The following NXPE4 variants were observed in gnomAD, a reference collection of about 807,000 sequenced individuals.
The protein encoded by NXPE4 is neurexophilin and PC-esterase domain family member 4.
In NXPE4, 42 loss-of-function variants were observed where a neutral mutation model predicts 33.3. That is an observed-to-expected ratio of 1.26 (90% CI 0.98 to 1.63). The LOEUF is 1.63. Ranked by LOEUF, NXPE4 falls within the 40% of genes most tolerant of loss-of-function variation. The pLI, the probability that NXPE4 is intolerant of heterozygous loss-of-function variation, is 0.00. For synonymous variants in NXPE4, 253 were observed against 234.9 expected, an observed-to-expected ratio of 1.08 and a Z score of -0.71; for missense variants, 709 against 647.6, an observed-to-expected ratio of 1.09 and a Z score of -1.03.
the NXPE4 span, among the ~76,000 whole-genome samples, chr11:114,623,021 G>A: frequency 7.2e-5 from 11 of 151,988 alleles, no homozygotes; most frequent in African/African-American, 1.9e-4. Flanking sequence ...GTTGCCTTGC[G>A]GGAAACCCCT....
At chr11:114,640,967 C>A in the NXPE4 span, among the ~76,000 whole-genome samples, 1 of 151,818 alleles carries the variant, frequency 6.6e-6, no homozygotes, top group African/African-American at 2.4e-5. Context: ...ACACATAGAG[C>A]AAGAATTAGA....
intron 5 of NXPE4, among the ~76,000 whole-genome samples, chr11:114,579,313 C>T (rs921635132): frequency 6.6e-5 from 10 of 152,310 alleles, no homozygotes; most frequent in African/African-American, 2.4e-4. Flanking sequence ...CCAAACACTT[C>T]CCACTAGGTC....
At chr11:114,598,991 CA>C, upstream of NXPE4, among the ~76,000 whole-genome samples, 1 of 152,272 alleles carries the variant, frequency 6.6e-6, no homozygotes, top group Non-Finnish European at 1.5e-5. Context: ...TTCTTTTTAC[CA>C]TATGGCCAGG....
chr11:114,644,692 A>G, the NXPE4 span, among the ~76,000 whole-genome samples: 2 of 152,126 alleles, frequency 1.3e-5, no homozygotes, highest in African/African-American at 2.4e-5. Context: ...TAAAGATGGT[A>G]ATTCCCCCTC....
chr11:114,635,186 T>C, the NXPE4 span, among the ~76,000 whole-genome samples: 22 of 150,462 alleles, frequency 1.5e-4, no homozygotes, highest in South Asian at 2.6e-3. Context: ...TCACGTCCCT[T>C]GTAAGTTGGA....
At chr11:114,614,321 C>A in the NXPE4 span, among the ~76,000 whole-genome samples, 25 of 151,156 alleles carry the variant, frequency 1.7e-4, no homozygotes, top group Admixed American at 9.9e-4. Context: ...TCGTAGGTAA[C>A]CACGGTTACC....
At chr11:114,660,949 G>A in the NXPE4 span, among the ~76,000 whole-genome samples, 1 of 151,976 alleles carries the variant, frequency 6.6e-6, no homozygotes, top group East Asian at 1.9e-4. Context: ...TTAATATAAA[G>A]TTTTATTGTT....
chr11:114,630,286 C>T, the NXPE4 span, among the ~76,000 whole-genome samples: 2 of 151,900 alleles, frequency 1.3e-5, no homozygotes, highest in East Asian at 3.9e-4. Context: ...TAAAAGGCTA[C>T]AGTAACCAAA....
At position 114,571,246 on chromosome 11, in the gene NXPE4, G is replaced by T; in HGVS notation, c.1327C>A (p.Pro443Thr). 1 of 1,614,060 alleles carries T rather than the reference G, an allele frequency of 6.2e-7. No homozygotes were observed. Among genetic ancestry groups the T allele is most frequent in the Non-Finnish European group, 8.5e-7 (1 of 1,179,946 alleles). ...ISLGQHFRPF[P>T]IDVFIRRALN... ...GCCCTTCGGATAAAAACATCAATGGGAAAGGGTCTGAAATGCTGGCCCAGG... is the reference window on the plus strand; with the variant it reads ...GCCCTTCGGATAAAAACATCAATGGTAAAGGGTCTGAAATGCTGGCCCAGG... Residue 443 changes from proline (P) to threonine (T), a missense_variant, in exon 6 of 6, where the codon CCC becomes ACC. By Grantham distance (38) the Pro-to-Thr change is conservative. Transcript: ENST00000375478.
the NXPE4 span, among the ~76,000 whole-genome samples, chr11:114,651,958 G>A: frequency 6.6e-6 from 1 of 152,204 alleles, no homozygotes; most frequent in East Asian, 1.9e-4. Flanking sequence ...GGTGCTGTTA[G>A]GTTCACAGTG....
At chr11:114,594,008 T>TACTACTGGTAGTACTACTCTGGTAGTA (rs1949522215) in intron 2 of NXPE4, among the ~76,000 whole-genome samples, 2 of 152,078 alleles carry the variant, frequency 1.3e-5, no homozygotes, top group Non-Finnish European at 2.9e-5. Flanking sequence ...AGTAGAATGA[T>TACTACTGGTAGTACTACTCTGGTAGTA]GGCTACCAGA....
At chr11:114,580,390 A>G (rs753205768) in intron 4 of NXPE4, 52 bp from the exon 5 acceptor site, 22 of 1,519,264 alleles carry the variant, frequency 1.4e-5, no homozygotes, top group African/African-American at 2.7e-5. Context: ...ATTACCCGTC[A>G]GTATGTATTA....
At chr11:114,665,708 G>C in the NXPE4 span, among the ~76,000 whole-genome samples, 2 of 152,220 alleles carry the variant, frequency 1.3e-5, no homozygotes, top group Admixed American at 1.3e-4. Flanking sequence ...ACAGTGCATA[G>C]GTGGCAAACA....
At chr11:114,602,680 G>T in the NXPE4 span, among the ~76,000 whole-genome samples, 1 of 140,554 alleles carries the variant, frequency 7.1e-6, no homozygotes, top group Non-Finnish European at 1.5e-5. Context: ...AGAATCATAT[G>T]TAATAATTAT....
the NXPE4 span, among the ~76,000 whole-genome samples, chr11:114,606,907 G>A: frequency 1.6e-4 from 24 of 151,658 alleles, no homozygotes; most frequent in East Asian, 5.9e-4. Flanking sequence ...ACTGTTACCC[G>A]GTGGATAATA....
chr11:114,637,351 G>A, the NXPE4 span, among the ~76,000 whole-genome samples: 1 of 151,880 alleles, frequency 6.6e-6, no homozygotes. Context: ...TTGAGCCCAT[G>A]TGTGTCTCTG....
upstream of NXPE4, among the ~76,000 whole-genome samples, chr11:114,595,960 A>G (rs1452957926): frequency 6.6e-6 from 1 of 152,184 alleles, no homozygotes; most frequent in Non-Finnish European, 1.5e-5. Context: ...GATGAGAAAA[A>G]GAGTGTTTGA....
intron 2 of NXPE4, among the ~76,000 whole-genome samples, chr11:114,586,388 A>G (rs1291183614): frequency 6.6e-6 from 1 of 152,200 alleles, no homozygotes; most frequent in Non-Finnish European, 1.5e-5. Context: ...GGGGGAGTAT[A>G]GAAGTGGACC....
the NXPE4 span, among the ~76,000 whole-genome samples, chr11:114,631,580 G>T: frequency 5.1e-4 from 77 of 151,750 alleles, no homozygotes; most frequent in African/African-American, 1.9e-3. Context: ...GTTAGATGAC[G>T]AGTTAGTGGG....
Sources: gnomAD v4.1 joint callset for allele counts (sites outside exome capture counted in the v4.1 genomes callset) on GRCh38, gnomAD v4.1.1 for gene constraint, MANE v1.5 for transcripts, NCBI Gene and HGNC (gene_info 2026-07-23, HGNC 2026-07-21) for gene names.